The following PPARD variants were observed in gnomAD, a reference collection of about 807,000 sequenced individuals.
PPARD encodes peroxisome proliferator-activated receptor delta.
Under a neutral mutation model 39.5 loss-of-function variants are expected in PPARD, and 6 were observed. That is an observed-to-expected ratio of 0.15 (90% CI 0.08 to 0.30). The LOEUF is 0.30. PPARD is among the 10% of genes least tolerant of loss of function. PPARD has a pLI of 1.00. For missense variants in PPARD, 397 were observed against 596.8 expected (o/e 0.67, Z 3.49); for synonymous variants, 210 against 231.3 (o/e 0.91, Z 0.83).
At chr6:35,384,881 A>C (rs1177316413) in intron 2 of PPARD, among the ~76,000 whole-genome samples, 4 of 113,224 alleles carry the variant, frequency 3.5e-5, no homozygotes, top group Non-Finnish European at 5.3e-5. Context: ...CTGGGAGGTG[A>C]GGGGCGCCTC....
rs1764488745 is a variant in PPARD, at chr6:35,398,533, C to G, written c.-101-12454C>G. ...GGCCTGGAGAAATAAATTGGGGAAT[C>G]ATCAGCATACTGAAGGCATTGGAAG... On this transcript the variant is annotated intron_variant, in intron 2 of 7. Coordinates refer to ENST00000360694, the MANE Select transcript of PPARD (RefSeq NM_006238.5). 2.0e-5 allele frequency among the ~76,000 whole-genome samples: 3 copies of G among 152,228 alleles called. No homozygotes were observed. The South Asian group carries it at 6.2e-4, about 32-fold the overall frequency.
intron 2 of PPARD, among the ~76,000 whole-genome samples, chr6:35,362,427 G>A (rs1261748787): frequency 6.7e-6 from 1 of 148,492 alleles, no homozygotes; most frequent in Non-Finnish European, 1.5e-5. Flanking sequence ...CATCTGCTCT[G>A]CCTACTCACC....
At chr6:35,408,237 C>T (rs529308201) in intron 2 of PPARD, among the ~76,000 whole-genome samples, 5 of 152,174 alleles carry the variant, frequency 3.3e-5, no homozygotes, top group Non-Finnish European at 7.3e-5. Context: ...ATAGCTTTTT[C>T]GGAAGCTCCT....
chr6:35,424,424 C>G lies in PPARD; in HGVS notation c.723C>G (p.Ile241Met), dbSNP rs987573535. The G allele has an allele frequency of 1.2e-6, 2 of 1,614,152 alleles. No homozygotes were observed. The highest frequency in any genetic ancestry group is 1.7e-6 in the Non-Finnish European group (2 of 1,180,020). ...LVNGLPPYKE[I>M]SVHVFYRCQC... ...ATGGCCTGCCTCCCTACAAGGAGAT[C>G]AGCGTGCACGTCTTCTACCGCTGCC... The change falls in exon 7 of 8, where the codon ATC becomes ATG. Residue 241 changes from isoleucine to methionine, a missense_variant. Ile to Met is a conservative substitution (Grantham distance 10). Transcript: ENST00000360694. The surrounding 1 kb of genome is among the most constrained non-coding windows in gnomAD (Gnocchi z 7.1).
chr6:35,359,060 G>A (rs977681265), intron 2 of PPARD, among the ~76,000 whole-genome samples: 1 of 152,214 alleles, frequency 6.6e-6, no homozygotes, highest in African/African-American at 2.4e-5. Flanking sequence ...AAAGAGGAGA[G>A]TGAACTATTG....
chr6:35,349,170 C>A (rs781755170), intron 2 of PPARD, among the ~76,000 whole-genome samples: 1 of 151,972 alleles, frequency 6.6e-6, no homozygotes, highest in Non-Finnish European at 1.5e-5. Flanking sequence ...GGACTACAGG[C>A]GCCCGCCACC....
At chr6:35,405,960 A>G (rs13217378) in intron 2 of PPARD, among the ~76,000 whole-genome samples, 126 of 146,128 alleles carry the variant, frequency 8.6e-4, no homozygotes, top group Admixed American at 1.8e-3. Flanking sequence ...CAGGGTCTCA[A>G]TCTGTCCTCA....
At chr6:35,373,349 A>G (rs998705203) in intron 2 of PPARD, among the ~76,000 whole-genome samples, 1 of 152,220 alleles carries the variant, frequency 6.6e-6, no homozygotes, top group Admixed American at 6.5e-5. Context: ...TTTGTAAACA[A>G]TAATTATTAG....
At chr6:35,346,799 C>T (rs1792207903) in intron 1 of PPARD, among the ~76,000 whole-genome samples, 1 of 152,242 alleles carries the variant, frequency 6.6e-6, no homozygotes, top group Non-Finnish European at 1.5e-5. Flanking sequence ...CCCTTCTTAC[C>T]TTGCCTGCGC....
chr6:35,384,037 T>TG (rs1436749156), intron 2 of PPARD, among the ~76,000 whole-genome samples: 2 of 128,762 alleles, frequency 1.6e-5, no homozygotes, highest in African/African-American at 3.1e-5. Context: ...GGGAGGGAGG[T>TG]GGGGGGGTCA....
At chr6:35,353,805 A>T (rs1428713077) in intron 2 of PPARD, among the ~76,000 whole-genome samples, 1 of 152,190 alleles carries the variant, frequency 6.6e-6, no homozygotes, top group Non-Finnish European at 1.5e-5. Flanking sequence ...TATGGGGCTA[A>T]CATGTTAGCA....
intron 2 of PPARD, among the ~76,000 whole-genome samples, chr6:35,409,522 A>C (rs1279544341): frequency 6.9e-6 from 1 of 144,328 alleles, no homozygotes; most frequent in Non-Finnish European, 1.5e-5. Context: ...TAACAACAAC[A>C]ACAAAAAAAC....
intron 2 of PPARD, among the ~76,000 whole-genome samples, chr6:35,389,135 G>C (rs956718619): frequency 2.0e-5 from 3 of 152,166 alleles, no homozygotes; most frequent in African/African-American, 4.8e-5. Context: ...CTGTGATCAG[G>C]CCACCACTGC....
At chr6:35,383,761 C>G (rs1230838385) in intron 2 of PPARD, among the ~76,000 whole-genome samples, 2 of 145,374 alleles carry the variant, frequency 1.4e-5, no homozygotes, top group Non-Finnish European at 3.0e-5. Flanking sequence ...CCCCGCCGCC[C>G]CGTCTGAGAA....
chr6:35,352,585 T>G (rs914590565), intron 2 of PPARD, among the ~76,000 whole-genome samples: 23 of 152,208 alleles, frequency 1.5e-4, no homozygotes, highest in African/African-American at 4.8e-4. Flanking sequence ...TTTATTGTCT[T>G]TCATGGTTCT....
At chr6:35,342,857 G>A (rs968052702) in intron 1 of PPARD, among the ~76,000 whole-genome samples, 176 bp downstream of exon 1, 2 of 152,202 alleles carry the variant, frequency 1.3e-5, no homozygotes, top group Non-Finnish European at 2.9e-5. Context: ...GCCCGCTCCG[G>A]TCAGCCGTCG....
rs908908393 is a variant in PPARD, at chr6:35,366,654, A to C, written c.-102+19504A>C. ...AACCTCTGCCTCCCGGGTTCAAGCA[A>C]TTCTAGTGCCTCAGCCTCCTTAGTG... is the stretch of plus-strand genomic sequence containing the variant. On this transcript the variant is annotated intron_variant, in intron 2 of 7. Transcript: ENST00000360694. The surrounding 1 kb of genome is among the most constrained non-coding windows in gnomAD (Gnocchi z 4.6). 2.6e-5 allele frequency among the ~76,000 whole-genome samples: 4 copies of C among 151,806 alleles called. No homozygotes were observed. The highest frequency in any genetic ancestry group is 1.3e-4 in the Admixed American group (2 of 15,248).
chr6:35,351,689 G>A (rs999494191), intron 2 of PPARD, among the ~76,000 whole-genome samples: 5 of 151,994 alleles, frequency 3.3e-5, no homozygotes, highest in Non-Finnish European at 7.4e-5. Flanking sequence ...GAGTAGCTAG[G>A]ACTACAGGTA....
At chr6:35,349,472 A>C (rs1761104781) in intron 2 of PPARD, among the ~76,000 whole-genome samples, 1 of 152,210 alleles carries the variant, frequency 6.6e-6, no homozygotes, top group Non-Finnish European at 1.5e-5. Flanking sequence ...GTGATGAGCT[A>C]AAAATAAAAA....
Sources: allele counts gnomAD v4.1 joint callset (sites outside exome capture counted in the v4.1 genomes callset), GRCh38; gene constraint gnomAD v4.1.1; non-coding constraint Gnocchi (gnomAD v3.1); transcripts MANE v1.5; gene names NCBI Gene and HGNC (gene_info 2026-07-23, HGNC 2026-07-21).